FHOD3: variants seen among roughly 807,000 people sequenced by gnomAD.
FHOD3 encodes the protein formin homology 2 domain containing 3.
Under a neutral mutation model 173.0 loss-of-function variants are expected in FHOD3, and 90 were observed. That is an observed-to-expected ratio of 0.52 (90% confidence interval 0.44 to 0.62). FHOD3 has a LOEUF of 0.62. Ranked by LOEUF, FHOD3 falls within the 20% of genes least tolerant of loss-of-function variation. The pLI is 0.00. For synonymous variants in FHOD3, 828 were observed against 823.0 expected (o/e 1.01, Z -0.10); for missense variants, 1,945 against 2,034.7 (o/e 0.96, Z 0.85).
Position 36,735,081 on chromosome 18 carries a change from A to T in FHOD3, c.3576+4277A>T, listed in dbSNP as rs369662974. On this transcript the variant is annotated intron_variant, in intron 20 of 28. Transcript: ENST00000590592. Reference sequence around the variant, plus strand: ...AATTATCATAAATGGAAGTATGACGATTTTTATTTTCTTTTCCTTTCTTCT... The same window carrying T: ...AATTATCATAAATGGAAGTATGACGTTTTTTATTTTCTTTTCCTTTCTTCT... 2.3e-4 allele frequency among the ~76,000 whole-genome samples: 35 copies of T among 152,256 alleles called. No homozygotes were observed. In the East Asian group the frequency reaches 6.4e-3, roughly 28 times the overall value.
intron 6 of FHOD3, among the ~76,000 whole-genome samples, chr18:36,579,703 G>A (rs2058776058): frequency 1.3e-5 from 2 of 152,176 alleles, no homozygotes. Flanking sequence ...ACAGCAACAG[G>A]CACCATCTTG....
At chr18:36,328,778 AG>A (rs912923386) in intron 1 of FHOD3, among the ~76,000 whole-genome samples, 1 of 152,154 alleles carries the variant, frequency 6.6e-6, no homozygotes. Context: ...GGCTGACTTG[AG>A]GTTTTGGCTG....
At chr18:36,740,420 T>A (rs2041846816) in intron 20 of FHOD3, among the ~76,000 whole-genome samples, 1 of 152,188 alleles carries the variant, frequency 6.6e-6, no homozygotes, top group South Asian at 2.1e-4. Flanking sequence ...TTGTGTTTTG[T>A]TTTTCATCTT....
chr18:36,457,308 G>A (rs2052276576), intron 3 of FHOD3, among the ~76,000 whole-genome samples: 1 of 152,052 alleles, frequency 6.6e-6, no homozygotes, highest in Non-Finnish European at 1.5e-5. Context: ...AGCGCAGCTG[G>A]GCACATCACT....
At chr18:36,698,447 A>G (rs887707451) in intron 17 of FHOD3, among the ~76,000 whole-genome samples, 1 of 152,216 alleles carries the variant, frequency 6.6e-6, no homozygotes, top group African/African-American at 2.4e-5. Context: ...AAAGATAGGC[A>G]TAGAATGGCA....
chr18:36,713,567 AAAAAT>A (rs1052732742), intron 18 of FHOD3, among the ~76,000 whole-genome samples: 7 of 152,358 alleles, frequency 4.6e-5, no homozygotes, highest in East Asian at 3.9e-4. Flanking sequence ...ATTTGAAAGA[AAAAAT>A]AAGATGTAGC....
At chr18:36,406,507 GAGGGATGCAAATGCCTTTTAC>G (rs1220189918) in intron 3 of FHOD3, among the ~76,000 whole-genome samples, 1 of 152,154 alleles carries the variant, frequency 6.6e-6, no homozygotes, top group East Asian at 1.9e-4. Context: ...GGTGGGGAGA[GAGGGATGCAAATGCCTTTTAC>G]AGGTGACATT....
chr18:36,406,436 C>T (rs1231050269), intron 3 of FHOD3, among the ~76,000 whole-genome samples: 1 of 151,874 alleles, frequency 6.6e-6, no homozygotes, highest in Non-Finnish European at 1.5e-5. Flanking sequence ...TTGGCATGTG[C>T]GGGAATGAGG....
In FHOD3 at chr18:36,714,204, TAATG is replaced by T. The variant is rs1227396098; in HGVS notation, c.2534-3625_2534-3622del. 2.6e-5 allele frequency among the ~76,000 whole-genome samples: 4 copies of T among 152,176 alleles called. No individual in the cohort carries two copies. In the East Asian group the frequency reaches 5.8e-4, roughly 22 times the overall value. On this transcript the variant is annotated intron_variant, in intron 18 of 28. Coordinates refer to ENST00000590592, the MANE Select transcript of FHOD3 (RefSeq NM_001281740.3). ...CAGAATGATAAAAGGAGTCATAAAT[TAATG>T]AAGAGAATAAGCAAGAAAACTGGCA...
At chr18:36,755,014 T>TATTATTA in intron 24 of FHOD3, 105 bp from the exon 25 acceptor site, 1 of 256,396 alleles carries the variant, frequency 3.9e-6, no homozygotes, top group Non-Finnish European at 7.1e-6. Flanking sequence ...TTATTATTAT[T>TATTATTA]ATTTATTTTA....
chr18:36,750,023 C>T (rs2042335666), intron 24 of FHOD3, among the ~76,000 whole-genome samples: 1 of 151,940 alleles, frequency 6.6e-6, no homozygotes, highest in Non-Finnish European at 1.5e-5. Flanking sequence ...GGCATGGTGG[C>T]TCACGCCTGT....
chr18:36,481,826 CTT>C (rs1674589390), intron 3 of FHOD3, among the ~76,000 whole-genome samples: 1 of 152,162 alleles, frequency 6.6e-6, no homozygotes, highest in East Asian at 1.9e-4. Flanking sequence ...AAAAAAAAGT[CTT>C]TGCACTATTG....
chr18:36,641,336 G>C (rs1216946693), intron 10 of FHOD3, among the ~76,000 whole-genome samples: 1 of 152,246 alleles, frequency 6.6e-6, no homozygotes, highest in Non-Finnish European at 1.5e-5. Flanking sequence ...CGAAGGGAAA[G>C]TGGAAGACGA....
intron 3 of FHOD3, among the ~76,000 whole-genome samples, chr18:36,411,890 T>C (rs1028812918): frequency 2.6e-5 from 4 of 152,252 alleles, no homozygotes; most frequent in African/African-American, 9.6e-5. Context: ...GCTTTTTCTC[T>C]TTGGGTAGCT....
chr18:36,567,866 G>A (rs1384147731), intron 5 of FHOD3, among the ~76,000 whole-genome samples: 2 of 152,060 alleles, frequency 1.3e-5, no homozygotes, highest in Admixed American at 6.5e-5. Flanking sequence ...GGGGCATATG[G>A]GCACCTAAAA....
intron 1 of FHOD3, among the ~76,000 whole-genome samples, chr18:36,314,209 G>C (rs118054252): frequency 6.6e-6 from 1 of 152,122 alleles, no homozygotes; most frequent in South Asian, 2.1e-4. Flanking sequence ...AAGTACTGGC[G>C]TCCCCTGCCT....
At chr18:36,672,673 G>A (rs963081713) in intron 14 of FHOD3, among the ~76,000 whole-genome samples, 1 of 152,214 alleles carries the variant, frequency 6.6e-6, no homozygotes. Context: ...GAAGGGGATG[G>A]AGAGAGACTG....
chr18:36,377,283 C>G (rs1217959831), intron 3 of FHOD3, among the ~76,000 whole-genome samples: 1 of 152,142 alleles, frequency 6.6e-6, no homozygotes, highest in Non-Finnish European at 1.5e-5. Flanking sequence ...CTGACCAGAC[C>G]GAGTACCACC....
At chr18:36,340,902 G>A (rs12104123) in intron 1 of FHOD3, among the ~76,000 whole-genome samples, 7,961 of 152,194 alleles carry the variant, frequency 0.052, 422 homozygotes, top group African/African-American at 0.13. Context: ...CTCCCAAAGT[G>A]CTGGGATTAC....
Sources: gnomAD v4.1 joint callset for allele counts (sites outside exome capture counted in the v4.1 genomes callset) on GRCh38, gnomAD v4.1.1 for gene constraint, MANE v1.5 for transcripts, NCBI Gene and HGNC (gene_info 2026-07-23, HGNC 2026-07-21) for gene names.